The following ARB2A variants were observed in gnomAD, a reference collection of about 807,000 sequenced individuals.
The protein encoded by ARB2A is ARB2 cotranscriptional regulator A.
chr5:93,830,311 G>GTGTGTGTGTATATATATATA, the ARB2A span, among the ~76,000 whole-genome samples: 3 of 82,266 alleles, frequency 3.6e-5, no homozygotes, highest in African/African-American at 1.6e-4. Context: ...GTGTGTGTGT[G>GTGTGTGTGTATATATATATA]TATATATATA....
chr5:93,865,365 C>T, the ARB2A span: 24 of 984,530 alleles, frequency 2.4e-5, no homozygotes, highest in Non-Finnish European at 2.9e-5. Flanking sequence ...ACAGCATGAG[C>T]CACCGCGCCC....
chr5:94,076,587 AAAAC>A, the ARB2A span, among the ~76,000 whole-genome samples: 1 of 152,236 alleles, frequency 6.6e-6, no homozygotes, highest in South Asian at 2.1e-4. Context: ...CAATAATGTC[AAAAC>A]AAACAAATAT....
At chr5:93,954,226 T>C in the ARB2A span, among the ~76,000 whole-genome samples, 1 of 152,128 alleles carries the variant, frequency 6.6e-6, no homozygotes, top group African/African-American at 2.4e-5. Context: ...CAGCTGGGAA[T>C]GTACTGGCTC....
At chr5:93,871,726 A>G in the ARB2A span, among the ~76,000 whole-genome samples, 63 of 152,264 alleles carry the variant, frequency 4.1e-4, no homozygotes, top group African/African-American at 1.5e-3. Context: ...TATTTATGTC[A>G]TCATAGGTTT....
At chr5:94,021,807 C>T in the ARB2A span, among the ~76,000 whole-genome samples, 7 of 152,218 alleles carry the variant, frequency 4.6e-5, no homozygotes, top group Admixed American at 2.0e-4. Context: ...CGCAGTGGCT[C>T]ATGCCTGTAA....
the ARB2A span, among the ~76,000 whole-genome samples, chr5:93,777,005 G>T: frequency 6.6e-6 from 1 of 151,988 alleles, no homozygotes; most frequent in Non-Finnish European, 1.5e-5. Flanking sequence ...AATACCACAA[G>T]AAATGAATTT....
chr5:93,668,474 A>G, the ARB2A span, among the ~76,000 whole-genome samples: 1 of 152,256 alleles, frequency 6.6e-6, no homozygotes, highest in Non-Finnish European at 1.5e-5. Context: ...ATGGCAGTCC[A>G]CATATATAAG....
At chr5:93,926,518 G>A in the ARB2A span, among the ~76,000 whole-genome samples, 2 of 151,922 alleles carry the variant, frequency 1.3e-5, no homozygotes, top group African/African-American at 4.8e-5. Flanking sequence ...TGAAGGAAAT[G>A]AAAAAGAATA....
chr5:93,793,600 G>GA, the ARB2A span, among the ~76,000 whole-genome samples: 2 of 152,114 alleles, frequency 1.3e-5, no homozygotes, highest in African/African-American at 4.8e-5. Context: ...GTGGACTGAT[G>GA]AAAGTGCTAT....
chr5:93,998,205 C>G, the ARB2A span, among the ~76,000 whole-genome samples: 1 of 151,948 alleles, frequency 6.6e-6, no homozygotes, highest in East Asian at 1.9e-4. Flanking sequence ...TTTTTAAAAT[C>G]TTTTCCCTTT....
the ARB2A span, among the ~76,000 whole-genome samples, chr5:93,824,957 G>T: frequency 6.6e-6 from 1 of 152,198 alleles, no homozygotes; most frequent in Non-Finnish European, 1.5e-5. Context: ...CAGAACCTTT[G>T]ATCTTGACCA....
chr5:93,693,994 C>T, the ARB2A span, among the ~76,000 whole-genome samples: 3 of 152,080 alleles, frequency 2.0e-5, no homozygotes, highest in African/African-American at 7.2e-5. Flanking sequence ...ATTCAACACC[C>T]CTTCATGCTA....
At chr5:93,853,896 CA>C in the ARB2A span, among the ~76,000 whole-genome samples, 1 of 152,160 alleles carries the variant, frequency 6.6e-6, no homozygotes, top group Non-Finnish European at 1.5e-5. Context: ...CAATGTTCAT[CA>C]AGGATATTGG....
the ARB2A span, among the ~76,000 whole-genome samples, chr5:93,841,051 A>G: frequency 2.0e-5 from 3 of 152,186 alleles, no homozygotes; most frequent in Non-Finnish European, 4.4e-5. Flanking sequence ...GGGAATGTCC[A>G]TCAAAGTAAA....
the ARB2A span, among the ~76,000 whole-genome samples, chr5:93,708,908 G>A: frequency 6.6e-6 from 1 of 152,086 alleles, no homozygotes; most frequent in Non-Finnish European, 1.5e-5. Context: ...ACGATATAAA[G>A]TTTAGGTATA....
At chr5:93,756,815 C>T in the ARB2A span, among the ~76,000 whole-genome samples, 2 of 151,982 alleles carry the variant, frequency 1.3e-5, no homozygotes, top group South Asian at 2.1e-4. Context: ...AAACAAGGCT[C>T]GTCAACACCC....
the ARB2A span, among the ~76,000 whole-genome samples, chr5:93,954,107 G>A: frequency 6.6e-6 from 1 of 152,200 alleles, no homozygotes; most frequent in East Asian, 1.9e-4. Context: ...AAGGTTGTTG[G>A]GGCTCTATCC....
chr5:93,912,910 TA>T, the ARB2A span, among the ~76,000 whole-genome samples: 12 of 151,510 alleles, frequency 7.9e-5, no homozygotes, highest in African/African-American at 9.7e-5. Context: ...ACCATTTTTT[TA>T]AAAAAAAATT....
At chr5:93,971,909 G>C in the ARB2A span, among the ~76,000 whole-genome samples, 2 of 152,148 alleles carry the variant, frequency 1.3e-5, no homozygotes, top group African/African-American at 4.8e-5. Context: ...AGCAAATCCT[G>C]CCAAAGTCCT....
Sources: allele counts gnomAD v4.1 joint callset (sites outside exome capture counted in the v4.1 genomes callset), GRCh38; gene constraint gnomAD v4.1.1; transcripts MANE v1.5; gene names NCBI Gene and HGNC (gene_info 2026-07-23, HGNC 2026-07-21).